The following TNRC6A variants were observed in gnomAD, a reference collection of about 807,000 sequenced individuals.
The protein encoded by TNRC6A is trinucleotide repeat-containing gene 6A protein.
Under a neutral mutation model 221.2 loss-of-function variants are expected in TNRC6A, and 44 were observed. That is an observed-to-expected ratio of 0.20 (90% CI 0.16 to 0.26). The LOEUF (loss-of-function observed/expected upper bound fraction) is 0.26. TNRC6A is among the 10% of genes least tolerant of loss of function. The pLI, the probability that TNRC6A is intolerant of heterozygous loss-of-function variation, is 1.00. For missense variants in TNRC6A, 2,199 were observed against 2,404.4 expected, an observed-to-expected ratio of 0.91 and a Z score of 1.79; for synonymous variants, 847 against 838.5, an observed-to-expected ratio of 1.01 and a Z score of -0.18.
chr16:24,820,423 A>G, intron 22 of TNRC6A, 63 bp downstream of exon 22: 1 of 1,470,404 alleles, frequency 6.8e-7, no homozygotes, highest in African/African-American at 1.4e-5. Context: ...CAGTACTAAC[A>G]GTCGAGTTTA....
At chr16:24,714,764 C>A (rs1289389936) in intron 2 of TNRC6A, among the ~76,000 whole-genome samples, 2 of 152,004 alleles carry the variant, frequency 1.3e-5, no homozygotes, top group African/African-American at 4.8e-5. Flanking sequence ...ATGTCCTTTT[C>A]TTCTAATTTT....
In TNRC6A at chr16:24,815,212, A is replaced by G; in HGVS notation, c.4738A>G (p.Ser1580Gly). The change falls in exon 19 of 25, where the codon AGT (serine) becomes GGT (glycine). Residue 1580 changes from serine (S) to glycine (G), a missense_variant. Ser to Gly is a moderately conservative substitution (Grantham distance 56). This residue lies in a region of TNRC6A where 449 missense variants were observed against 579.7 expected (regional missense o/e 0.77). Coordinates refer to ENST00000395799, the MANE Select transcript of TNRC6A (RefSeq NM_014494.4). Reference sequence around the variant, plus strand: ...TGTTCCCTATGACTTTATGAACAGCAGTACTTCACCAGCCAGTCCTCCAGG... The same window carrying G: ...TGTTCCCTATGACTTTATGAACAGCGGTACTTCACCAGCCAGTCCTCCAGG... ...PFVPYDFMNS[S>G]TSPASPPGSI... The G allele has an allele frequency of 1.9e-6, 3 of 1,614,248 alleles. No homozygotes were observed. Among genetic ancestry groups the G allele is most frequent in the Non-Finnish European group, 2.5e-6 (3 of 1,180,038 alleles).
chr16:24,673,027 C>A (rs2055338902), intron 2 of TNRC6A, among the ~76,000 whole-genome samples: 1 of 151,380 alleles, frequency 6.6e-6, no homozygotes. Context: ...ATAGTGAGAC[C>A]CTCATCTCTA....
rs12325134 is a variant in TNRC6A, at chr16:24,641,395, C to T, written n.402+386C>T. Among the ~76,000 whole-genome samples the T allele has an allele frequency of 6.5e-3, 994 of 152,012 alleles. 12 individuals are homozygous for T. The highest frequency in any genetic ancestry group is 0.021 in the African/African-American group (875 of 41,452). ...GTGGGAGGATGGAGAAGAAGGGACACGGGGAGACCAGTTAGGAGGCCTTTG... is the reference window on the plus strand; with the variant it reads ...GTGGGAGGATGGAGAAGAAGGGACATGGGGAGACCAGTTAGGAGGCCTTTG... On this transcript the variant is annotated intron_variant and non_coding_transcript_variant, in intron 2 of 2. Coordinates refer to the TNRC6A transcript ENST00000566108.
chr16:24,729,736 A>G lies in TNRC6A; in HGVS notation c.-106A>G, dbSNP rs2056574899. 2.5e-6 allele frequency: 3 copies of G among 1,202,144 alleles called. No homozygotes were observed. Among genetic ancestry groups the G allele is most frequent in the South Asian group, 4.7e-5 (2 of 42,544 alleles). 74.5% of individuals were successfully genotyped at this position (1,202,144 alleles called of 1,614,324 possible). A position where few individuals can be genotyped will look rare whatever the true frequency, so the allele number is the denominator to read the frequency against. On this transcript the variant is annotated 5_prime_UTR_variant, in exon 1 of 25. Transcript: ENST00000395799. ...GCGGCGGCAGCGGGTCGGTGTAGAAAATGGCGCTGGTGCAGCGGCTCGGGC... is the reference window on the plus strand; with the variant it reads ...GCGGCGGCAGCGGGTCGGTGTAGAAGATGGCGCTGGTGCAGCGGCTCGGGC...
intron 2 of TNRC6A, among the ~76,000 whole-genome samples, chr16:24,649,097 A>G (rs961550785): frequency 2.0e-5 from 3 of 152,074 alleles, no homozygotes; most frequent in African/African-American, 7.2e-5. Context: ...CCTGGGCAAC[A>G]TAGTGAGACC....
At chr16:24,797,694 T>C in intron 10 of TNRC6A, 124 bp downstream of exon 10, 1 of 949,218 alleles carries the variant, frequency 1.1e-6, no homozygotes, top group Non-Finnish European at 1.5e-6. Context: ...GATGTTAGAG[T>C]AAAATCGGCC....
intron 2 of TNRC6A, among the ~76,000 whole-genome samples, chr16:24,694,107 G>A (rs546727948): frequency 6.6e-6 from 1 of 152,246 alleles, no homozygotes; most frequent in Non-Finnish European, 1.5e-5. Context: ...AGAGTCCCCA[G>A]GACTAGAAAT....
At chr16:24,750,393 A>G (rs2057109395) in intron 2 of TNRC6A, among the ~76,000 whole-genome samples, 1 of 152,202 alleles carries the variant, frequency 6.6e-6, no homozygotes, top group Non-Finnish European at 1.5e-5. Context: ...GCCAGTAGCA[A>G]GGTAACTCCA....
Position 24,794,558 on chromosome 16 carries a change from C to A in TNRC6A, c.3367C>A (p.Gln1123Lys). The change falls in exon 8 of 25, where the codon CAA becomes AAA. Residue 1123 changes from glutamine to lysine, a missense_variant. Coordinates refer to ENST00000395799, the MANE Select transcript of TNRC6A (RefSeq NM_014494.4). ...TCCACAATCAGGGCCAAAATCTATG[C>A]AAGATGGCTGGTGTGGTGATGATAT... ...ALSKSGPKSM[Q>K]DGWCGDDMPL... 6.2e-7 allele frequency: 1 copy of A among 1,611,108 alleles called. No homozygotes were observed. Among genetic ancestry groups the A allele is most frequent in the South Asian group, 1.1e-5 (1 of 90,062 alleles).
chr16:24,610,904 G>A (rs769448631), intron 1 of TNRC6A, among the ~76,000 whole-genome samples: 6 of 152,092 alleles, frequency 3.9e-5, no homozygotes, highest in Non-Finnish European at 7.4e-5. Flanking sequence ...TCTGCCTTCC[G>A]GGTTCAAGCG....
chr16:24,685,007 C>T (rs753756106), intron 2 of TNRC6A, among the ~76,000 whole-genome samples: 6 of 152,180 alleles, frequency 3.9e-5, no homozygotes, highest in Non-Finnish European at 5.9e-5. Flanking sequence ...TGCCTCCATG[C>T]TCTTGGGAAC....
chr16:24,790,266 A>G lies in TNRC6A; in HGVS notation c.1624A>G (p.Asn542Asp), dbSNP rs1187366109. 1 of 1,614,078 alleles carries G rather than the reference A, an allele frequency of 6.2e-7. No individual in the cohort carries two copies. The highest frequency in any genetic ancestry group is 1.3e-5 in the African/African-American group (1 of 74,908). Residue 542 changes from asparagine to aspartate, a missense_variant, in exon 6 of 25, where the codon AAT (asparagine) becomes GAT (aspartate). Physicochemically the swap from Asn to Asp is conservative, Grantham distance 23 (BLOSUM62 1). Coordinates refer to ENST00000395799, the MANE Select transcript of TNRC6A (RefSeq NM_014494.4). ...ATGTTCAGGCCCTAATGGCCAAGCT[A>G]ATGGTGACACTGTGAATGCAACTCT... ...DKCSGPNGQA[N>D]GDTVNATLMQ... is the part of the protein sequence containing the mutation.
Position 24,767,572 on chromosome 16 carries a change from G to A in TNRC6A, c.163+9212G>A, listed in dbSNP as rs7194078. ...AAAGTTCTTGACTAATTGCTATGCTGAGAAAACATACCATTTTTCCAGATT... is the reference window on the plus strand; with the variant it reads ...AAAGTTCTTGACTAATTGCTATGCTAAGAAAACATACCATTTTTCCAGATT... On this transcript the variant is annotated intron_variant, in intron 4 of 24. Transcript: ENST00000395799. Among the ~76,000 whole-genome samples, 795 of 152,192 alleles carry A rather than the reference G, an allele frequency of 5.2e-3. 7 individuals carry two copies. The highest frequency in any genetic ancestry group is 0.018 in the African/African-American group (762 of 41,540).
chr16:24,790,549 C>T lies in TNRC6A; in HGVS notation c.1907C>T (p.Thr636Met), dbSNP rs1416175570. ...SNDSANGNGK[T>M]FTNGWKSTEE... ...GATAGTGCAAATGGCAATGGTAAGA[C>T]GTTTACAAATGGATGGAAATCTACT... The change falls in exon 6 of 25, where the codon ACG becomes ATG. Residue 636 changes from threonine to methionine, a missense_variant. Transcript: ENST00000395799. 19 of 1,614,136 alleles carry T rather than the reference C, an allele frequency of 1.2e-5. No homozygotes were observed. In the East Asian group the frequency reaches 2.9e-4, roughly 25 times the overall value.
At position 24,789,691 on chromosome 16, in the gene TNRC6A, C is replaced by T; in HGVS notation, c.1049C>T (p.Ser350Phe). The change falls in exon 6 of 25, where the codon TCT becomes TTT. Residue 350 changes from serine (S) to phenylalanine (F), a missense_variant. Transcript: ENST00000395799. ...ATGAATGCTTGGGGCACTGTAAGTT[C>T]TTCATCAAATGGAGGGTTAAATCCA... ...NRMNAWGTVS[S>F]SSNGGLNPST... 8 of 1,614,200 alleles carry T rather than the reference C, an allele frequency of 5.0e-6. No homozygotes were observed. Among genetic ancestry groups the T allele is most frequent in the Non-Finnish European group, 6.8e-6 (8 of 1,180,046 alleles).
At chr16:24,645,368 G>A (rs991409396) in intron 2 of TNRC6A, among the ~76,000 whole-genome samples, 2 of 151,924 alleles carry the variant, frequency 1.3e-5, no homozygotes, top group African/African-American at 4.8e-5. Context: ...TAGTCCGGTG[G>A]TAGTGGTGCA....
upstream of TNRC6A, among the ~76,000 whole-genome samples, chr16:24,725,342 T>A (rs1439670256): frequency 1.3e-5 from 2 of 151,984 alleles, no homozygotes; most frequent in East Asian, 3.9e-4. Context: ...CTGGCTAACT[T>A]TTGTATTTTT....
chr16:24,804,358 G>A, intron 12 of TNRC6A, 39 bp downstream of exon 12: 4 of 1,587,184 alleles, frequency 2.5e-6, no homozygotes, highest in Admixed American at 1.9e-5. Flanking sequence ...TGATAAACCA[G>A]TATACTTCAT....
Sources: allele counts gnomAD v4.1 joint callset (sites outside exome capture counted in the v4.1 genomes callset), GRCh38; gene constraint gnomAD v4.1.1; regional missense constraint gnomAD v4.1.1; transcripts MANE v1.5; gene names NCBI Gene and HGNC (gene_info 2026-07-23, HGNC 2026-07-21).